The following HSF2BP variants were observed in gnomAD, a reference collection of about 807,000 sequenced individuals.
The protein encoded by HSF2BP is heat shock factor 2-binding protein.
In HSF2BP, 35 loss-of-function variants were observed where a neutral mutation model predicts 35.0. That is an observed-to-expected ratio of 1.00 (90% confidence interval 0.76 to 1.32). The LOEUF is 1.32. Among genes scored for constraint, HSF2BP ranks in the 40% most tolerant of loss-of-function variants. The pLI is 0.00. For synonymous variants in HSF2BP, 114 were observed against 117.4 expected (o/e 0.97, Z 0.18); for missense variants, 326 against 321.7 (o/e 1.01, Z -0.10).
chr21:43,595,790 T>C (rs1157568379), intron 7 of HSF2BP, among the ~76,000 whole-genome samples: 1 of 119,292 alleles, frequency 8.4e-6, no homozygotes, highest in African/African-American at 3.1e-5. Context: ...AGTGGCGCCA[T>C]CTCGGCTCAC....
At chr21:43,595,332 A>G (rs1428609614) in intron 7 of HSF2BP, among the ~76,000 whole-genome samples, 1 of 152,180 alleles carries the variant, frequency 6.6e-6, no homozygotes, top group Non-Finnish European at 1.5e-5. Context: ...ATGAAAAAAG[A>G]AGAAAGAGAA....
At chr21:43,632,116 C>G (rs1241474161) in intron 5 of HSF2BP, among the ~76,000 whole-genome samples, 1 of 62,492 alleles carries the variant, frequency 1.6e-5, no homozygotes, top group African/African-American at 6.3e-5. Context: ...CACACACACG[C>G]TCCCCCAAAC....
rs535144575 is a variant in HSF2BP, at chr21:43,594,755, AAGAG to A, written c.693-2431_693-2428del. On this transcript the variant is annotated intron_variant, in intron 7 of 8. Transcript: ENST00000291560. ...ACAGGGAGGGAGGAAGCGAGGGAGA[AAGAG>A]AGGTAGGGAGGGAAAGATAACTTGG... 4.0e-4 allele frequency among the ~76,000 whole-genome samples: 61 copies of A among 152,186 alleles called. No homozygotes were observed. The South Asian group carries it at 6.4e-3, about 16-fold the overall frequency.
chr21:43,616,071 C>T (rs1308239676), intron 6 of HSF2BP, among the ~76,000 whole-genome samples: 1 of 146,950 alleles, frequency 6.8e-6, no homozygotes, highest in Non-Finnish European at 1.5e-5. Context: ...ATATATATAT[C>T]ATAGCAAGCA....
At chr21:43,633,747 G>A (rs767253482) in intron 4 of HSF2BP, among the ~76,000 whole-genome samples, 4 of 152,026 alleles carry the variant, frequency 2.6e-5, no homozygotes, top group South Asian at 2.1e-4. Context: ...AGCACCAACC[G>A]AGGCTTCTGA....
intron 6 of HSF2BP, 82 bp downstream of exon 6, chr21:43,630,240 C>G: frequency 1.6e-6 from 2 of 1,255,612 alleles, no homozygotes; most frequent in Non-Finnish European, 2.2e-6. Context: ...ATTCATGTGA[C>G]TCATGTATTA....
In HSF2BP at chr21:43,636,020, G is replaced by C. The variant is rs2082548546; in HGVS notation, c.292-2599C>G. Among the ~76,000 whole-genome samples, 2 of 150,214 alleles carry C rather than the reference G, an allele frequency of 1.3e-5. 1 individual carries two copies. Among genetic ancestry groups the C allele is most frequent in the South Asian group, 4.2e-4 (2 of 4,724 alleles). ...AGACGGGAGGATCGAGACCATCCTG[G>C]GCACCATAGTGAGACCCCATCTCTA... On this transcript the variant is annotated intron_variant, in intron 4 of 8. Coordinates refer to ENST00000291560, the MANE Select transcript of HSF2BP (RefSeq NM_007031.2).
rs534328032 is a variant in HSF2BP at position 43,614,290 on chromosome 21, G to T, written c.575-343C>A. Among the ~76,000 whole-genome samples, 7 of 151,464 alleles carry T rather than the reference G, an allele frequency of 4.6e-5. No homozygotes were observed. In the South Asian group the frequency reaches 1.0e-3, roughly 23 times the overall value. On this transcript the variant is annotated intron_variant, in intron 6 of 8. Coordinates refer to ENST00000291560, the MANE Select transcript of HSF2BP (RefSeq NM_007031.2). ...AGGCAGAAGGATTGCTTGAGCCTAG[G>T]AGGTAGAGGCTGCAGTGAGCCATGA... is the stretch of plus-strand genomic sequence containing the variant.
rs770855952 is a variant in HSF2BP, at chr21:43,595,726, A to ATTTTTTTTTTTTTTTTTTTT, written c.693-3418_693-3399dup. ...AGCATCTTTAAAAATTAAGAGGCTA[A>ATTTTTTTTTTTTTTTTTTTT]TTTTTTTTTTTTTTTTTTTTTTTTT... On this transcript the variant is annotated intron_variant, in intron 7 of 8. Transcript: ENST00000291560. Among the ~76,000 whole-genome samples, 15 of 58,448 alleles carry ATTTTTTTTTTTTTTTTTTTT rather than the reference A, an allele frequency of 2.6e-4. 4 individuals are homozygous for ATTTTTTTTTTTTTTTTTTTT. Among genetic ancestry groups the ATTTTTTTTTTTTTTTTTTTT allele is most frequent in the Non-Finnish European group, 3.4e-4 (11 of 32,406 alleles). 38.3% of individuals were successfully genotyped at this position (58,448 alleles called of 152,430 possible).
intron 3 of HSF2BP, among the ~76,000 whole-genome samples, chr21:43,646,671 T>C (rs1047614571): frequency 1.3e-5 from 2 of 152,240 alleles, no homozygotes; most frequent in African/African-American, 4.8e-5. Context: ...CAGACAGCTG[T>C]ATGCAACCCT....
intron 7 of HSF2BP, among the ~76,000 whole-genome samples, chr21:43,604,377 CCACACACACACCACACA>C (rs2082091672): frequency 7.2e-6 from 1 of 138,890 alleles, no homozygotes; most frequent in African/African-American, 2.7e-5. Context: ...AGCACGCACA[CCACACACACACCACACA>C]CACTACACAC....
At chr21:43,614,449 T>A (rs770874318) in intron 6 of HSF2BP, among the ~76,000 whole-genome samples, 1 of 151,102 alleles carries the variant, frequency 6.6e-6, no homozygotes, top group African/African-American at 2.4e-5. Context: ...TATCAAGTAA[T>A]GTGCAGTGTG....
intron 4 of HSF2BP, among the ~76,000 whole-genome samples, chr21:43,637,246 A>G (rs1013293659): frequency 6.6e-6 from 1 of 152,218 alleles, no homozygotes; most frequent in Non-Finnish European, 1.5e-5. Context: ...AAAAGAATAA[A>G]TGATGTATGC....
chr21:43,641,662 T>C (rs111445361), intron 4 of HSF2BP, among the ~76,000 whole-genome samples: 6,233 of 152,148 alleles, frequency 0.041, 437 homozygotes, highest in African/African-American at 0.14. Context: ...AAGTACTTAC[T>C]AGCAGCCAGG....
chr21:43,496,042 C>G, the HSF2BP span, among the ~76,000 whole-genome samples: 19 of 133,396 alleles, frequency 1.4e-4, 4 homozygotes, highest in South Asian at 4.7e-3. Context: ...CACACACACA[C>G]GCACACAGCA....
At chr21:43,652,400 CAAAAAA>C (rs35714746) in intron 3 of HSF2BP, among the ~76,000 whole-genome samples, 3 of 89,360 alleles carry the variant, frequency 3.4e-5, no homozygotes, top group Admixed American at 1.2e-4. Context: ...CAGACACCAT[CAAAAAA>C]AAAAAAAAAA....
At chr21:43,641,079 G>A (rs113314559) in intron 4 of HSF2BP, among the ~76,000 whole-genome samples, 3 of 152,116 alleles carry the variant, frequency 2.0e-5, no homozygotes, top group East Asian at 1.9e-4. Context: ...TGCAAGCTCC[G>A]CCTCCCAGGT....
At chr21:43,585,561 C>G (rs755760106) in intron 8 of HSF2BP, among the ~76,000 whole-genome samples, 22 of 151,790 alleles carry the variant, frequency 1.4e-4, no homozygotes, top group Non-Finnish European at 2.8e-4. Context: ...AGGGGAATCG[C>G]TTGAACCCAG....
intron 8 of HSF2BP, among the ~76,000 whole-genome samples, chr21:43,577,944 T>A (rs947761660): frequency 6.6e-5 from 10 of 152,178 alleles, no homozygotes; most frequent in African/African-American, 1.2e-4. Flanking sequence ...CTTTGTGAGA[T>A]CTACTCCCTG....
Sources: gnomAD v4.1 joint callset for allele counts (sites outside exome capture counted in the v4.1 genomes callset) on GRCh38, gnomAD v4.1.1 for gene constraint, MANE v1.5 for transcripts, NCBI Gene and HGNC (gene_info 2026-07-23, HGNC 2026-07-21) for gene names.